Variants in SLC24A2 observed in about 807,000 individuals in gnomAD.
SLC24A2 encodes solute carrier family 24 member 2.
A neutral mutation model predicts 62.0 loss-of-function variants in SLC24A2; 36 were observed. The observed-to-expected ratio is 0.58, with a 90% CI of 0.44 to 0.77. The LOEUF is 0.77. SLC24A2 is among the 30% of genes least tolerant of loss of function. SLC24A2 has a pLI of 0.00. For missense variants in SLC24A2, 846 were observed against 817.9 expected (o/e 1.03, Z -0.42); for synonymous variants, 358 against 294.0 (o/e 1.22, Z -2.23).
chr9:19,706,199 G>T (rs963313983), intron 2 of SLC24A2, among the ~76,000 whole-genome samples: 3 of 151,112 alleles, frequency 2.0e-5, no homozygotes, highest in Admixed American at 6.6e-5. Context: ...GGCCTTCTTT[G>T]TCTCTTTTGA....
the SLC24A2 span, among the ~76,000 whole-genome samples, chr9:19,924,890 T>C: frequency 6.6e-6 from 1 of 152,206 alleles, no homozygotes; most frequent in Non-Finnish European, 1.5e-5. Flanking sequence ...TAATCATGCC[T>C]TTGAATGCAG....
the SLC24A2 span, among the ~76,000 whole-genome samples, chr9:20,238,980 G>A: frequency 3.9e-5 from 6 of 152,282 alleles, no homozygotes; most frequent in South Asian, 1.2e-3. Context: ...CTAGAAAGCA[G>A]CCATCTATAA....
chr9:20,213,451 C>T, the SLC24A2 span, among the ~76,000 whole-genome samples: 1 of 148,502 alleles, frequency 6.7e-6, no homozygotes, highest in East Asian at 1.9e-4. Flanking sequence ...AAAACTGATA[C>T]AAGGGATTAA....
chr9:19,513,198 A>T lies in SLC24A2; in HGVS notation c.*2955T>A, dbSNP rs1045449277. 9.8e-5 allele frequency: 14 copies of T among 143,066 alleles called. No homozygotes were observed. Among genetic ancestry groups the T allele is most frequent in the African/African-American group, 3.7e-4 (14 of 37,534 alleles). 8.9% of individuals were successfully genotyped at this position (143,066 alleles called of 1,614,324 possible). ...TATGTATATATATATATATGTATAT[A>T]TTTATATATGTATATACACAGGCAT... On this transcript the variant is annotated 3_prime_UTR_variant, in exon 11 of 11. Coordinates refer to ENST00000341998, the MANE Select transcript of SLC24A2 (RefSeq NM_020344.4).
the SLC24A2 span, among the ~76,000 whole-genome samples, chr9:19,883,723 G>A: frequency 6.6e-6 from 1 of 152,064 alleles, no homozygotes; most frequent in East Asian, 1.9e-4. Flanking sequence ...CCGCCACCAT[G>A]CCTGGCGAAT....
the SLC24A2 span, among the ~76,000 whole-genome samples, chr9:19,813,779 T>G: frequency 6.6e-6 from 1 of 152,058 alleles, no homozygotes; most frequent in Non-Finnish European, 1.5e-5. Context: ...TGAATGGGAT[T>G]AGTGCCCTTA....
At chr9:19,602,762 G>T (rs563388160) in intron 4 of SLC24A2, among the ~76,000 whole-genome samples, 3 of 152,256 alleles carry the variant, frequency 2.0e-5, no homozygotes, top group Admixed American at 6.5e-5. Flanking sequence ...TAGCTACTCT[G>T]AACTTCAATG....
chr9:19,948,673 G>A, the SLC24A2 span, among the ~76,000 whole-genome samples: 3 of 151,570 alleles, frequency 2.0e-5, no homozygotes, highest in South Asian at 4.2e-4. Context: ...GTGAAACCCC[G>A]TCTCTACTAA....
At chr9:20,197,792 C>T in the SLC24A2 span, among the ~76,000 whole-genome samples, 1 of 152,026 alleles carries the variant, frequency 6.6e-6, no homozygotes, top group Non-Finnish European at 1.5e-5. Flanking sequence ...CATAAACAAA[C>T]CAAAAGCCAG....
chr9:19,954,981 AT>A, the SLC24A2 span, among the ~76,000 whole-genome samples: 4 of 151,108 alleles, frequency 2.6e-5, no homozygotes, highest in East Asian at 5.8e-4. Flanking sequence ...GGAGGCTGCC[AT>A]TTTTTTTTAG....
rs557798048 is a variant in SLC24A2, at chr9:19,520,040, A to C, written c.1736+854T>G. The stretch of plus-strand genomic sequence containing the variant: ...GTGTGGCTTAAATGGAGAAAAACAT[A>C]CACACAGTGCACATGGTAGACACTG... On this transcript the variant is annotated intron_variant, in intron 10 of 10. Transcript: ENST00000341998. Among the ~76,000 whole-genome samples the C allele has an allele frequency of 2.6e-5, 4 of 152,204 alleles. No homozygotes were observed. In the East Asian group the frequency reaches 7.7e-4, roughly 29 times the overall value.
At chr9:19,773,261 A>G (rs1266560722) in intron 2 of SLC24A2, among the ~76,000 whole-genome samples, 1 of 152,208 alleles carries the variant, frequency 6.6e-6, no homozygotes, top group Non-Finnish European at 1.5e-5. Context: ...CTCTGAATGT[A>G]TATGCTAAAA....
At chr9:19,554,292 C>G (rs1250722291) in intron 7 of SLC24A2, among the ~76,000 whole-genome samples, 1 of 152,080 alleles carries the variant, frequency 6.6e-6, no homozygotes, top group Non-Finnish European at 1.5e-5. Context: ...AAGTAGCTTT[C>G]AACAAAAAGT....
At chr9:20,006,329 T>C in the SLC24A2 span, among the ~76,000 whole-genome samples, 1 of 151,506 alleles carries the variant, frequency 6.6e-6, no homozygotes, top group African/African-American at 2.4e-5. Context: ...ACATGAAGGG[T>C]AGTGGGTGAG....
the SLC24A2 span, among the ~76,000 whole-genome samples, chr9:20,223,271 A>G: frequency 2.6e-5 from 4 of 152,184 alleles, no homozygotes; most frequent in African/African-American, 9.6e-5. Context: ...GAACATAAAT[A>G]CCACATTCAT....
the SLC24A2 span, among the ~76,000 whole-genome samples, chr9:20,019,289 A>AAGAT: frequency 6.7e-6 from 1 of 150,266 alleles, no homozygotes; most frequent in South Asian, 2.1e-4. Flanking sequence ...GAAAGAAAGA[A>AAGAT]AGAAAGAAAG....
At chr9:19,715,973 C>A (rs1198032295) in intron 2 of SLC24A2, among the ~76,000 whole-genome samples, 2 of 152,094 alleles carry the variant, frequency 1.3e-5, no homozygotes, top group Non-Finnish European at 2.9e-5. Flanking sequence ...AAAAGAGGTA[C>A]CCCCATTCAG....
the SLC24A2 span, among the ~76,000 whole-genome samples, chr9:19,924,112 T>C: frequency 6.6e-6 from 1 of 152,152 alleles, no homozygotes; most frequent in Admixed American, 6.5e-5. Context: ...GTCATGCCTG[T>C]GAGGGAGCAG....
At chr9:20,077,116 A>AC in the SLC24A2 span, among the ~76,000 whole-genome samples, 1 of 151,946 alleles carries the variant, frequency 6.6e-6, no homozygotes, top group Non-Finnish European at 1.5e-5. Flanking sequence ...GAGAATAAAA[A>AC]AGTGGTAATC....
Sources: gnomAD v4.1 joint callset for allele counts (sites outside exome capture counted in the v4.1 genomes callset) on GRCh38, gnomAD v4.1.1 for gene constraint, MANE v1.5 for transcripts, NCBI Gene and HGNC (gene_info 2026-07-23, HGNC 2026-07-21) for gene names.